The following KIF9 variants were observed in gnomAD, a reference collection of about 807,000 sequenced individuals.
KIF9 encodes kinesin-like protein KIF9.
A neutral mutation model predicts 94.8 loss-of-function variants in KIF9; 68 were observed. The observed-to-expected ratio is 0.72, with a 90% CI of 0.59 to 0.88. The LOEUF (loss-of-function observed/expected upper bound fraction) is 0.88. Among genes scored for constraint, KIF9 ranks in the 40% least tolerant of loss-of-function variants. KIF9 has a pLI of 0.00. For missense variants in KIF9, 882 were observed against 982.5 expected, an observed-to-expected ratio of 0.90 and a Z score of 1.37; for synonymous variants, 343 against 362.1, an observed-to-expected ratio of 0.95 and a Z score of 0.60.
chr3:47,241,884 ATTTT>A (rs199875749), intron 16 of KIF9, among the ~76,000 whole-genome samples: 47,268 of 114,128 alleles, frequency 0.41, 8,498 homozygotes, highest in Non-Finnish European at 0.48. Flanking sequence ...ATATATATAT[ATTTT>A]TTTTTTTTTT....
At chr3:47,279,717 C>T (rs534829271) in intron 1 of KIF9, among the ~76,000 whole-genome samples, 4 of 151,646 alleles carry the variant, frequency 2.6e-5, no homozygotes, top group East Asian at 2.0e-4. Context: ...CCCAGGTTCA[C>T]GCCATTCTCC....
intron 9 of KIF9, among the ~76,000 whole-genome samples, chr3:47,263,388 C>G (rs1303123262): frequency 6.6e-6 from 1 of 152,156 alleles, no homozygotes; most frequent in African/African-American, 2.4e-5. Flanking sequence ...CCTGACTAAT[C>G]CCACCTCTGG....
At chr3:47,233,818 G>A (rs552632652) in intron 20 of KIF9, among the ~76,000 whole-genome samples, 2 of 148,532 alleles carry the variant, frequency 1.3e-5, no homozygotes, top group South Asian at 2.2e-4. Context: ...AGCCAGGCAC[G>A]GTGGCTCACG....
intron 10 of KIF9, among the ~76,000 whole-genome samples, chr3:47,249,009 T>C (rs1050277421): frequency 1.3e-5 from 2 of 152,174 alleles, no homozygotes; most frequent in Non-Finnish European, 2.9e-5. Context: ...GGGCTGGGAT[T>C]ACAGATGTGA....
At chr3:47,230,981 G>A (rs1468646546) in intron 20 of KIF9, among the ~76,000 whole-genome samples, 2 of 152,168 alleles carry the variant, frequency 1.3e-5, no homozygotes, top group Admixed American at 6.5e-5. Context: ...AGAGGCTGCC[G>A]TAAGCCGAGA....
At position 47,239,995 on chromosome 3, in the gene KIF9, G is replaced by A. The variant is rs553170024; in HGVS notation, c.1924+806C>T. On this transcript the variant is annotated intron_variant, in intron 17 of 20. Transcript: ENST00000684063. ...AACCACCTGTCCCAGAGTTGGAATG[G>A]TCACTCACTAAAATGCAGGTCCTGG... The A allele has an allele frequency of 4.1e-5, 53 of 1,291,014 alleles. No individual in the cohort carries two copies. The South Asian group carries it at 6.3e-4, about 15-fold the overall frequency. 80.0% of individuals were successfully genotyped at this position (1,291,014 alleles called of 1,614,324 possible).
In KIF9 at chr3:47,228,336, C is replaced by T. The variant is rs1417925301; in HGVS notation, c.*316G>A. 6.9e-6 allele frequency: 2 copies of T among 289,094 alleles called. No homozygotes were observed. Among genetic ancestry groups the T allele is most frequent in the Admixed American group, 4.7e-5 (1 of 21,186 alleles). The allele number at this position is 289,094 out of a possible 1,614,324, so 17.9% of individuals were successfully genotyped here. A position where few individuals can be genotyped will look rare whatever the true frequency, so the allele number is the denominator to read the frequency against. The stretch of plus-strand genomic sequence containing the variant: ...CTTGAGACTCAGTTCTGACCTCACA[C>T]ATACATAGAGAATATGTCCTTTCAG... On this transcript the variant is annotated 3_prime_UTR_variant, in exon 21 of 21. Transcript: ENST00000684063.
intron 16 of KIF9, among the ~76,000 whole-genome samples, chr3:47,241,454 TG>T (rs1302257359): frequency 6.6e-6 from 1 of 151,834 alleles, no homozygotes; most frequent in African/African-American, 2.4e-5. Context: ...CCTCAGTAGC[TG>T]GGATTACAGG....
Position 47,267,063 on chromosome 3 carries a change from A to G in KIF9, c.681T>C (p.His227=), listed in dbSNP as rs114214880. ...HCIFTIYLEA[H]SRTLSEEKYI... ...ACTTTTCCTCTGATAAGGTCCGGGAATGGGCCTACAAAACATCCAAGCAGA... is the reference window on the plus strand; with the variant it reads ...ACTTTTCCTCTGATAAGGTCCGGGAGTGGGCCTACAAAACATCCAAGCAGA... The change falls in exon 7 of 21, where the codon CAT becomes CAC. Residue 227 remains histidine, a synonymous_variant. Coordinates refer to ENST00000684063, the MANE Select transcript of KIF9 (RefSeq NM_182902.4). 17 of 1,613,480 alleles carry G rather than the reference A, an allele frequency of 1.1e-5. No homozygotes were observed. In the East Asian group the frequency reaches 3.8e-4, roughly 36 times the overall value.
rs756787749 is a variant in KIF9, at chr3:47,235,562, C to G, written c.2273G>C (p.Gly758Ala). Reference protein sequence around the residue: ...SQLQQRVLPEGPDSISFYNAK... With the variant: ...SQLQQRVLPEAPDSISFYNAK... ...ATTGTAGAAGGAGATGGAATCAGGG[C>G]CCTCAGGAAGCACCCTCTGCTGCAG... is the stretch of plus-strand genomic sequence containing the variant. Residue 758 changes from glycine (G) to alanine (A), a missense_variant, in exon 20 of 21, where the codon GGC (glycine) becomes GCC (alanine). Gly to Ala is a moderately conservative substitution (Grantham distance 60). Transcript: ENST00000684063. 78 of 1,614,114 alleles carry G rather than the reference C, an allele frequency of 4.8e-5. No homozygotes were observed. Among genetic ancestry groups the G allele is most frequent in the Non-Finnish European group, 6.4e-5 (76 of 1,179,998 alleles).
chr3:47,234,616 G>A lies in KIF9; in HGVS notation c.2322+897C>T, dbSNP rs540635419. ...ATTGCACAGGCTGGAGTAAAGTGGT[G>A]TGATCTTGGCTCACTGCAACCTCTA... is the stretch of plus-strand genomic sequence containing the variant. On this transcript the variant is annotated intron_variant, in intron 20 of 20. Coordinates refer to ENST00000684063, the MANE Select transcript of KIF9 (RefSeq NM_182902.4). Among the ~76,000 whole-genome samples the A allele has an allele frequency of 2.7e-5, 4 of 147,900 alleles. No homozygotes were observed. In the East Asian group the frequency reaches 7.9e-4, roughly 29 times the overall value.
chr3:47,252,433 G>GA (rs1195126278), intron 10 of KIF9, among the ~76,000 whole-genome samples: 56 of 143,790 alleles, frequency 3.9e-4, no homozygotes, highest in African/African-American at 5.8e-4. Context: ...ATCACTAGAG[G>GA]AAAAAAAAAA....
intron 2 of KIF9, 139 bp downstream of exon 2, chr3:47,277,143 G>A (rs1296319603): frequency 2.1e-6 from 1 of 473,666 alleles, no homozygotes. Context: ...GGGTGGTTTG[G>A]ATTTGATGGG....
chr3:47,228,847 A>G (rs772687535), intron 20 of KIF9, 145 bp from the exon 21 acceptor site: 128 of 690,120 alleles, frequency 1.9e-4, no homozygotes, highest in Middle Eastern at 1.0e-3. Flanking sequence ...AGTAGCCCCA[A>G]TTCTCTGAGA....
chr3:47,264,418 G>A (rs575129874), intron 8 of KIF9, 68 bp from the exon 9 acceptor site: 1 of 1,265,528 alleles, frequency 7.9e-7, no homozygotes, highest in Admixed American at 1.7e-5. Context: ...AGTTGATGGG[G>A]TCTGTTATAT....
In KIF9 at chr3:47,236,124, G is replaced by T. The variant is rs1427409387; in HGVS notation, c.2127C>A (p.Ser709=). ...LMEFDIWYNE[S]FVIPEDMQMA... ...TCTGCATGTCCTCAGGGATGACAAA[G>T]GACTCATTGTACCAGATGTCAAATT... The change falls in exon 19 of 21, where the codon TCC becomes TCA. Residue 709 remains serine (S), a synonymous_variant. Coordinates refer to ENST00000684063, the MANE Select transcript of KIF9 (RefSeq NM_182902.4). The T allele has an allele frequency of 6.2e-7, 1 of 1,614,032 alleles. No individual in the cohort carries two copies. Among genetic ancestry groups the T allele is most frequent in the African/African-American group, 1.3e-5 (1 of 75,052 alleles).
At position 47,236,017 on chromosome 3, in the gene KIF9, G is replaced by T; in HGVS notation, c.2217+17C>A. On this transcript the variant is annotated intron_variant, in intron 19 of 20. Coordinates refer to ENST00000684063, the MANE Select transcript of KIF9 (RefSeq NM_182902.4). ...CATGTTCAACCACTGCCACACCCCT[G>T]CCCCTGTGCCGCTCACCAGAGACAC... is the stretch of plus-strand genomic sequence containing the variant. 6.3e-7 allele frequency: 1 copy of T among 1,578,834 alleles called. No individual in the cohort carries two copies. The highest frequency in any genetic ancestry group is 1.1e-5 in the South Asian group (1 of 90,318).
chr3:47,241,165 G>C, intron 16 of KIF9, 150 bp from the exon 17 acceptor site: 1 of 654,026 alleles, frequency 1.5e-6, no homozygotes, highest in Non-Finnish European at 2.7e-6. Flanking sequence ...AACTGTGTGT[G>C]AATCATTCCC....
chr3:47,279,233 G>A (rs1220838985), intron 1 of KIF9, among the ~76,000 whole-genome samples: 1 of 150,960 alleles, frequency 6.6e-6, no homozygotes. Flanking sequence ...AGCACTTTGG[G>A]AGGCTGAGGA....
Sources: gnomAD v4.1 joint callset for allele counts (sites outside exome capture counted in the v4.1 genomes callset) on GRCh38, gnomAD v4.1.1 for gene constraint, MANE v1.5 for transcripts, NCBI Gene and HGNC (gene_info 2026-07-23, HGNC 2026-07-21) for gene names.